Variants in MDGA2 observed in about 807,000 individuals in gnomAD.
MDGA2 encodes the protein MAM domain containing glycosylphosphatidylinositol anchor 2.
In MDGA2, 40 loss-of-function variants were observed where a neutral mutation model predicts 117.8. That is an observed-to-expected ratio of 0.34 (90% CI 0.26 to 0.44). MDGA2 has a LOEUF of 0.44. MDGA2 is among the 20% of genes least tolerant of loss of function. The pLI, the probability that MDGA2 is intolerant of heterozygous loss-of-function variation, is 1.00. For missense variants in MDGA2, 1,123 were observed against 1,250.6 expected (o/e 0.90, Z 1.54); for synonymous variants, 452 against 439.0 (o/e 1.03, Z -0.37).
rs185219405 is a variant in MDGA2 at position 46,909,917 on chromosome 14, T to C, written c.2238+10095A>G. Among the ~76,000 whole-genome samples, 18 of 152,296 alleles carry C rather than the reference T, an allele frequency of 1.2e-4. No individual in the cohort carries two copies. The East Asian group carries it at 1.5e-3, about 13-fold the overall frequency. On this transcript the variant is annotated intron_variant, in intron 10 of 16. Coordinates refer to ENST00000399232, the MANE Select transcript of MDGA2 (RefSeq NM_001113498.3). ...ACAAAACAAAAGAACCTCATGGATA[T>C]ATTAGTACATTGCAGATATTTTTAT... is the stretch of plus-strand genomic sequence containing the variant.
At chr14:47,434,330 G>A (rs1462677225) in intron 1 of MDGA2, among the ~76,000 whole-genome samples, 2 of 152,066 alleles carry the variant, frequency 1.3e-5, no homozygotes, top group Non-Finnish European at 1.5e-5. Context: ...TTGTGCTACT[G>A]AGAATAGTAA....
At chr14:46,964,962 CG>C (rs1296646981) in intron 8 of MDGA2, among the ~76,000 whole-genome samples, 1 of 99,170 alleles carries the variant, frequency 1.0e-5, no homozygotes. Context: ...CTCGCTCTGT[CG>C]TCCAGGCTGG....
intron 3 of MDGA2, among the ~76,000 whole-genome samples, chr14:47,168,683 T>A (rs1031474658): frequency 6.6e-5 from 10 of 152,128 alleles, no homozygotes; most frequent in Non-Finnish European, 1.2e-4. Flanking sequence ...TAGATTCTGA[T>A]AGAGCTATCA....
chr14:46,872,747 G>A (rs1040977316), intron 14 of MDGA2, among the ~76,000 whole-genome samples: 4 of 151,904 alleles, frequency 2.6e-5, no homozygotes, highest in African/African-American at 9.7e-5. Context: ...TTGATATTCA[G>A]TTCTCAGGAT....
At chr14:46,936,359 T>C (rs535517879) in intron 9 of MDGA2, among the ~76,000 whole-genome samples, 1 of 152,264 alleles carries the variant, frequency 6.6e-6, no homozygotes, top group African/African-American at 2.4e-5. Context: ...ACTGCTATTT[T>C]TCACCTCCCA....
chr14:47,434,956 G>A (rs2416073), intron 1 of MDGA2, among the ~76,000 whole-genome samples: 1 of 152,006 alleles, frequency 6.6e-6, no homozygotes, highest in Non-Finnish European at 1.5e-5. Context: ...ACCAACATGG[G>A]GAAAACCTGT....
intron 2 of MDGA2, among the ~76,000 whole-genome samples, chr14:47,229,707 T>C (rs915981314): frequency 4.0e-5 from 6 of 151,694 alleles, no homozygotes; most frequent in African/African-American, 1.4e-4. Flanking sequence ...AAACTATTCA[T>C]TAAAAAAAAA....
At chr14:47,511,063 T>C (rs1594893529) in intron 1 of MDGA2, among the ~76,000 whole-genome samples, 2 of 152,034 alleles carry the variant, frequency 1.3e-5, no homozygotes, top group East Asian at 1.9e-4. Context: ...TGGTTTGTGT[T>C]GTGTCTACCA....
intron 2 of MDGA2, 110 bp downstream of exon 2, chr14:47,301,295 CCACACA>C (rs71112491): frequency 0.19 from 177,209 of 920,626 alleles, 9,445 homozygotes; most frequent in East Asian, 0.41. Context: ...CCACACCCAC[CCACACA>C]CACACACACA....
intron 1 of MDGA2, among the ~76,000 whole-genome samples, chr14:47,469,237 T>C (rs939588236): frequency 1.2e-4 from 18 of 152,040 alleles, no homozygotes; most frequent in African/African-American, 4.3e-4. Flanking sequence ...ACATGTGCCA[T>C]GTTGGTGTGC....
chr14:47,226,470 A>G lies in MDGA2; in HGVS notation c.421-8275T>C, dbSNP rs141739927. Among the ~76,000 whole-genome samples the G allele has an allele frequency of 5.3e-3, 800 of 152,150 alleles. 7 individuals are homozygous for G. Among genetic ancestry groups the G allele is most frequent in the African/African-American group, 0.018 (741 of 41,520 alleles). The stretch of plus-strand genomic sequence containing the variant: ...TTTTTTCCCTTTGTCTTTTCTTTGA[A>G]TTTAACCTTTGAGGAATTTATTCAC... On this transcript the variant is annotated intron_variant, in intron 2 of 16. Coordinates refer to ENST00000399232, the MANE Select transcript of MDGA2 (RefSeq NM_001113498.3).
intron 2 of MDGA2, among the ~76,000 whole-genome samples, chr14:47,267,487 T>A (rs907815793): frequency 3.3e-5 from 5 of 152,192 alleles, no homozygotes; most frequent in Non-Finnish European, 7.4e-5. Context: ...GTCATTTTTT[T>A]TCTTTTCCAG....
At chr14:46,981,874 T>C (rs957644274) in intron 8 of MDGA2, among the ~76,000 whole-genome samples, 5 of 152,172 alleles carry the variant, frequency 3.3e-5, no homozygotes, top group African/African-American at 9.7e-5. Context: ...CTAAAAGATA[T>C]GGACTGGCCA....
intron 9 of MDGA2, among the ~76,000 whole-genome samples, 187 bp from the exon 10 acceptor site, chr14:46,920,347 A>G (rs540209658): frequency 3.9e-4 from 59 of 152,344 alleles, no homozygotes; most frequent in Middle Eastern, 3.4e-3. Flanking sequence ...GCAGTGTGAG[A>G]AAAGAAGGAA....
chr14:47,221,952 G>A (rs1886320863), intron 2 of MDGA2, among the ~76,000 whole-genome samples: 1 of 151,476 alleles, frequency 6.6e-6, no homozygotes, highest in Non-Finnish European at 1.5e-5. Context: ...TTTTTTTTGT[G>A]GTGAAACATT....
chr14:47,633,449 T>C (rs1193987666), intron 1 of MDGA2, among the ~76,000 whole-genome samples: 2 of 152,218 alleles, frequency 1.3e-5, no homozygotes, highest in East Asian at 3.9e-4. Flanking sequence ...GTGTGTAAAT[T>C]GAACCATTCA....
intron 3 of MDGA2, among the ~76,000 whole-genome samples, chr14:47,172,585 G>C (rs1884208069): frequency 6.6e-6 from 1 of 152,138 alleles, no homozygotes; most frequent in East Asian, 1.9e-4. Flanking sequence ...TGCAGCTGAG[G>C]GTCCTGTCTG....
intron 1 of MDGA2, among the ~76,000 whole-genome samples, chr14:47,492,083 G>A (rs537427775): frequency 3.3e-5 from 5 of 152,248 alleles, no homozygotes; most frequent in Admixed American, 1.3e-4. Context: ...TTTGAACCAT[G>A]TAACACAAAT....
chr14:47,602,617 T>C (rs1245044843), intron 1 of MDGA2, among the ~76,000 whole-genome samples: 2 of 152,158 alleles, frequency 1.3e-5, no homozygotes, highest in African/African-American at 4.8e-5. Flanking sequence ...TGCACAGGAA[T>C]TTCTTTTTGC....
Sources: allele counts gnomAD v4.1 joint callset (sites outside exome capture counted in the v4.1 genomes callset), GRCh38; gene constraint gnomAD v4.1.1; transcripts MANE v1.5; gene names NCBI Gene and HGNC (gene_info 2026-07-23, HGNC 2026-07-21).